PDZRN4: variants seen among roughly 807,000 people sequenced by gnomAD.
The protein encoded by PDZRN4 is PDZ domain-containing RING finger protein 4.
Under a neutral mutation model 99.0 loss-of-function variants are expected in PDZRN4, and 70 were observed. The ratio of observed to expected loss-of-function variants is 0.71; its 90% CI spans 0.58 to 0.86. PDZRN4 has a LOEUF of 0.86. Among genes scored for constraint, PDZRN4 ranks in the 40% least tolerant of loss-of-function variants. The pLI, the probability that PDZRN4 is intolerant of heterozygous loss-of-function variation, is 0.00. For missense variants in PDZRN4, 1,474 were observed against 1,331.2 expected (o/e 1.11, Z -1.67); for synonymous variants, 551 against 501.6 (o/e 1.10, Z -1.32).
At chr12:41,374,570 T>A (rs889911117) in intron 3 of PDZRN4, among the ~76,000 whole-genome samples, 1 of 152,058 alleles carries the variant, frequency 6.6e-6, no homozygotes, top group African/African-American at 2.4e-5. Flanking sequence ...TAGCAGTAGG[T>A]CTATAGAAAA....
chr12:41,424,843 A>T (rs1396131985), intron 3 of PDZRN4, among the ~76,000 whole-genome samples: 1 of 152,126 alleles, frequency 6.6e-6, no homozygotes, highest in Non-Finnish European at 1.5e-5. Flanking sequence ...GGAGAGAAAG[A>T]CTGAGAGCAG....
At chr12:41,565,136 T>A (rs920860888) in intron 8 of PDZRN4, among the ~76,000 whole-genome samples, 2 of 152,132 alleles carry the variant, frequency 1.3e-5, no homozygotes, top group Non-Finnish European at 2.9e-5. Flanking sequence ...AATTTGAGTA[T>A]CTGGCTACAC....
chr12:41,348,934 C>T (rs1422805234), intron 3 of PDZRN4, among the ~76,000 whole-genome samples: 5 of 151,886 alleles, frequency 3.3e-5, no homozygotes, highest in African/African-American at 1.2e-4. Context: ...TGTGTTCCAT[C>T]TATGTACGTA....
chr12:41,219,587 G>A (rs1023855879), intron 3 of PDZRN4, among the ~76,000 whole-genome samples: 1 of 152,036 alleles, frequency 6.6e-6, no homozygotes, highest in African/African-American at 2.4e-5. Flanking sequence ...ATACTTGAAA[G>A]AAATATGTGA....
intron 3 of PDZRN4, among the ~76,000 whole-genome samples, chr12:41,394,119 C>T (rs1952228686): frequency 6.6e-6 from 1 of 152,114 alleles, no homozygotes; most frequent in Admixed American, 6.6e-5. Context: ...GGGTTGCAGA[C>T]AGCTGTCTTC....
At chr12:41,522,663 C>T (rs1203158198) in intron 5 of PDZRN4, among the ~76,000 whole-genome samples, 1 of 152,082 alleles carries the variant, frequency 6.6e-6, no homozygotes, top group Non-Finnish European at 1.5e-5. Context: ...GAAAGCCATA[C>T]GTTCTCTCAG....
intron 3 of PDZRN4, among the ~76,000 whole-genome samples, chr12:41,349,466 T>G (rs2121034245): frequency 7.1e-6 from 1 of 140,388 alleles, no homozygotes; most frequent in Admixed American, 7.3e-5. Context: ...TTTTTATCTG[T>G]ATACTTTGTG....
chr12:41,288,999 A>T (rs1284156995), intron 3 of PDZRN4, among the ~76,000 whole-genome samples: 4 of 152,052 alleles, frequency 2.6e-5, no homozygotes, highest in African/African-American at 9.7e-5. Flanking sequence ...GGTAACAAAG[A>T]TCTGAAAAAA....
chr12:41,285,468 C>T (rs187495198), intron 3 of PDZRN4, among the ~76,000 whole-genome samples: 203 of 152,162 alleles, frequency 1.3e-3, no homozygotes, highest in African/African-American at 4.6e-3. Flanking sequence ...GGATCTAGAG[C>T]CAGAAATACC....
chr12:41,481,478 C>T (rs1937673583), intron 3 of PDZRN4, among the ~76,000 whole-genome samples: 1 of 152,170 alleles, frequency 6.6e-6, no homozygotes, highest in South Asian at 2.1e-4. Context: ...CTCCCTCTCC[C>T]TGTTTTTCCA....
chr12:41,253,635 C>G (rs1951185942), intron 3 of PDZRN4, among the ~76,000 whole-genome samples: 1 of 152,180 alleles, frequency 6.6e-6, no homozygotes, highest in African/African-American at 2.4e-5. Flanking sequence ...AATTTCACTA[C>G]TGGGCATATG....
intron 3 of PDZRN4, among the ~76,000 whole-genome samples, chr12:41,377,346 T>C (rs1190885266): frequency 6.6e-6 from 1 of 152,192 alleles, no homozygotes; most frequent in Non-Finnish European, 1.5e-5. Flanking sequence ...ATTAATTCTT[T>C]TGATCCATGA....
intron 3 of PDZRN4, among the ~76,000 whole-genome samples, chr12:41,206,782 T>C (rs1373937842): frequency 2.6e-5 from 4 of 151,872 alleles, no homozygotes; most frequent in Non-Finnish European, 5.9e-5. Flanking sequence ...TAAATACACA[T>C]CTATCACAAA....
Position 41,573,743 on chromosome 12 carries a change from T to G in PDZRN4, c.2964T>G (p.Ile988Met), listed in dbSNP as rs185409653. 6.2e-7 allele frequency: 1 copy of G among 1,613,742 alleles called. No individual in the cohort carries two copies. Among genetic ancestry groups the G allele is most frequent in the African/African-American group, 1.3e-5 (1 of 74,884 alleles). Reference sequence around the variant, plus strand: ...AGGGCAAGAAGGAGATCAATATCATTGAACTGAGTCACAAAAAGATGATGA... The same window carrying G: ...AGGGCAAGAAGGAGATCAATATCATGGAACTGAGTCACAAAAAGATGATGA... The part of the protein sequence containing the change: ...GSEGKKEINI[I>M]ELSHKKMMKK... The change falls in exon 10 of 10, where the codon ATT becomes ATG. Residue 988 changes from isoleucine to methionine, a missense_variant. Transcript: ENST00000402685.
At chr12:41,344,122 C>T (rs983248849) in intron 3 of PDZRN4, among the ~76,000 whole-genome samples, 9 of 152,038 alleles carry the variant, frequency 5.9e-5, no homozygotes, top group African/African-American at 1.7e-4. Flanking sequence ...TACTGGTGAT[C>T]AAATAAGTTG....
chr12:41,196,557 C>T (rs993905296), intron 3 of PDZRN4, among the ~76,000 whole-genome samples: 7 of 152,120 alleles, frequency 4.6e-5, no homozygotes, highest in East Asian at 1.9e-4. Flanking sequence ...GTGATGCTAT[C>T]GGCTTTTTGA....
intron 5 of PDZRN4, among the ~76,000 whole-genome samples, chr12:41,515,842 A>G (rs1349558242): frequency 1.3e-5 from 2 of 151,638 alleles, no homozygotes; most frequent in African/African-American, 2.4e-5. Context: ...TGTGACTCTC[A>G]TTGGTTTACT....
At chr12:41,326,593 A>G (rs960055443) in intron 3 of PDZRN4, among the ~76,000 whole-genome samples, 2 of 152,188 alleles carry the variant, frequency 1.3e-5, no homozygotes, top group Non-Finnish European at 2.9e-5. Context: ...AAGATACCCC[A>G]GCCTCAGCAA....
chr12:41,406,021 A>G (rs1033957019), intron 3 of PDZRN4, among the ~76,000 whole-genome samples: 2 of 152,166 alleles, frequency 1.3e-5, no homozygotes, highest in South Asian at 2.1e-4. Flanking sequence ...CCTGGGTGTA[A>G]TATACTCATG....
Sources: gnomAD v4.1 joint callset for allele counts (sites outside exome capture counted in the v4.1 genomes callset) on GRCh38, gnomAD v4.1.1 for gene constraint, MANE v1.5 for transcripts, NCBI Gene and HGNC (gene_info 2026-07-23, HGNC 2026-07-21) for gene names.